Variants in HYCC1 observed in about 807,000 individuals in gnomAD.
HYCC1 encodes the protein hyccin.
the HYCC1 span, among the ~76,000 whole-genome samples, chr7:22,987,346 G>A: frequency 6.6e-5 from 10 of 152,264 alleles, no homozygotes; most frequent in South Asian, 4.1e-4. Flanking sequence ...CCAGGAGTTC[G>A]AGACCAGCCT....
At chr7:22,977,689 T>C in the HYCC1 span, among the ~76,000 whole-genome samples, 6 of 152,178 alleles carry the variant, frequency 3.9e-5, no homozygotes, top group Non-Finnish European at 8.8e-5. Context: ...ATCTTACTCA[T>C]GTAACAAGTT....
chr7:22,903,808 C>A, the HYCC1 span, among the ~76,000 whole-genome samples: 1 of 152,088 alleles, frequency 6.6e-6, no homozygotes, highest in Admixed American at 6.6e-5. Context: ...GGAAATTTGT[C>A]AACATGTGAA....
At chr7:22,977,249 T>G in the HYCC1 span, 1 of 812,474 alleles carries the variant, frequency 1.2e-6, no homozygotes. Flanking sequence ...ACTAATAAAT[T>G]GATCAATTTT....
the HYCC1 span, among the ~76,000 whole-genome samples, chr7:22,915,546 TCTGA>T: frequency 6.6e-6 from 1 of 152,214 alleles, no homozygotes; most frequent in East Asian, 1.9e-4. Flanking sequence ...CCCAAGGCTC[TCTGA>T]CTGACTCCTT....
chr7:22,983,126 C>G, the HYCC1 span, among the ~76,000 whole-genome samples: 2 of 151,886 alleles, frequency 1.3e-5, no homozygotes, highest in African/African-American at 4.8e-5. Context: ...CCCAGGAGTT[C>G]GGGACCAGCC....
chr7:22,942,468 T>C, the HYCC1 span: 1 of 152,084 alleles, frequency 6.6e-6, no homozygotes, highest in African/African-American at 2.4e-5. Context: ...CCTTGAAAAG[T>C]CTATTTTTGT....
the HYCC1 span, chr7:22,978,298 C>T: frequency 1.2e-6 from 2 of 1,613,960 alleles, no homozygotes; most frequent in Admixed American, 3.3e-5. Flanking sequence ...AGAAGAGCTT[C>T]AATGCATCCA....
At chr7:23,005,316 ATCTG>A in the HYCC1 span, among the ~76,000 whole-genome samples, 2 of 152,240 alleles carry the variant, frequency 1.3e-5, no homozygotes, top group African/African-American at 4.8e-5. Context: ...AGATAATAAC[ATCTG>A]TCTTTTAGGG....
the HYCC1 span, among the ~76,000 whole-genome samples, chr7:22,995,868 T>TGC: frequency 6.6e-6 from 1 of 152,156 alleles, no homozygotes. Flanking sequence ...GGGCAAGCAC[T>TGC]GCCTTGATCT....
At chr7:22,955,358 A>G in the HYCC1 span, among the ~76,000 whole-genome samples, 2 of 151,668 alleles carry the variant, frequency 1.3e-5, no homozygotes, top group East Asian at 3.9e-4. Context: ...ATCTACCTTT[A>G]TGTAGTGCTT....
At chr7:22,929,257 A>G in the HYCC1 span, among the ~76,000 whole-genome samples, 2 of 152,210 alleles carry the variant, frequency 1.3e-5, no homozygotes, top group Admixed American at 1.3e-4. Flanking sequence ...AACCTAGGCA[A>G]TACCATTCAG....
chr7:22,906,557 G>T, the HYCC1 span, among the ~76,000 whole-genome samples: 1 of 146,760 alleles, frequency 6.8e-6, no homozygotes, highest in Non-Finnish European at 1.5e-5. Flanking sequence ...CAGCCTGGGT[G>T]ACAGAGTGAG....
chr7:22,943,424 T>G, the HYCC1 span: 1 of 152,178 alleles, frequency 6.6e-6, no homozygotes, highest in African/African-American at 2.4e-5. Context: ...TAGAGTGGCA[T>G]GAAATTCTGC....
the HYCC1 span, among the ~76,000 whole-genome samples, chr7:22,971,797 T>C: frequency 6.6e-6 from 1 of 152,088 alleles, no homozygotes; most frequent in Non-Finnish European, 1.5e-5. Flanking sequence ...TAATGAGCAC[T>C]TTTCTGTCCT....
chr7:23,007,116 A>T, the HYCC1 span, among the ~76,000 whole-genome samples: 3 of 152,204 alleles, frequency 2.0e-5, no homozygotes, highest in Non-Finnish European at 4.4e-5. Context: ...GCAAAAGATG[A>T]CACATCAACA....
At chr7:22,898,690 C>T in the HYCC1 span, among the ~76,000 whole-genome samples, 8 of 151,224 alleles carry the variant, frequency 5.3e-5, no homozygotes, top group African/African-American at 1.7e-4. Flanking sequence ...GCAACCTCCA[C>T]CTCCCGGGTT....
the HYCC1 span, among the ~76,000 whole-genome samples, chr7:22,962,360 A>G: frequency 1.3e-5 from 2 of 152,120 alleles, no homozygotes; most frequent in Admixed American, 1.3e-4. Context: ...TCCTTTAGGC[A>G]CTCACAAGAA....
the HYCC1 span, among the ~76,000 whole-genome samples, chr7:22,988,678 G>A: frequency 1.3e-5 from 2 of 152,304 alleles, no homozygotes; most frequent in African/African-American, 4.8e-5. Flanking sequence ...AGTTCATAAT[G>A]ATTCCAACAC....
chr7:22,984,561 AAAC>A, the HYCC1 span, among the ~76,000 whole-genome samples: 1 of 152,128 alleles, frequency 6.6e-6, no homozygotes, highest in African/African-American at 2.4e-5. Context: ...CTCTACAAAA[AAAC>A]AAACAAAATT....
Sources: gnomAD v4.1 joint callset for allele counts (sites outside exome capture counted in the v4.1 genomes callset) on GRCh38, gnomAD v4.1.1 for gene constraint, MANE v1.5 for transcripts, NCBI Gene and HGNC (gene_info 2026-07-23, HGNC 2026-07-21) for gene names.